WWTR1: variants seen among roughly 807,000 people sequenced by gnomAD.
The protein encoded by WWTR1 is WW domain containing transcription regulator 1.
In WWTR1, 13 loss-of-function variants were observed where a neutral mutation model predicts 40.1. That is an observed-to-expected ratio of 0.32 (90% CI 0.21 to 0.52). WWTR1 has a LOEUF of 0.52. Ranked by LOEUF, WWTR1 falls within the 20% of genes least tolerant of loss-of-function variation. WWTR1 has a pLI of 0.97. For missense variants in WWTR1, 436 were observed against 523.1 expected (o/e 0.83, Z 1.63); for synonymous variants, 230 against 210.1 (o/e 1.09, Z -0.82).
Position 149,604,299 on chromosome 3 carries a change from C to G in WWTR1, c.432-31299G>C, listed in dbSNP as rs1739389595. On this transcript the variant is annotated intron_variant, in intron 2 of 6. Transcript: ENST00000360632. ...GTGACAGGGCCACCCCCTCACAGCT[C>G]ACTGCATGCACACCCCACCACATCC... 2.6e-5 allele frequency among the ~76,000 whole-genome samples: 4 copies of G among 152,240 alleles called. No homozygotes were observed. In the South Asian group the frequency reaches 8.3e-4, roughly 32 times the overall value.
chr3:149,699,754 T>C (rs1240317503), intron 1 of WWTR1, among the ~76,000 whole-genome samples: 1 of 152,162 alleles, frequency 6.6e-6, no homozygotes, highest in Non-Finnish European at 1.5e-5. Flanking sequence ...ACTGTCAATA[T>C]CTCTATCAGC....
intron 4 of WWTR1, among the ~76,000 whole-genome samples, chr3:149,539,720 C>T (rs552992677): frequency 6.6e-6 from 1 of 152,290 alleles, no homozygotes; most frequent in East Asian, 1.9e-4. Flanking sequence ...CCAAAGATCA[C>T]TTTTAATTCC....
chr3:149,691,679 A>G (rs920749223), intron 1 of WWTR1, among the ~76,000 whole-genome samples: 1 of 152,330 alleles, frequency 6.6e-6, no homozygotes, highest in East Asian at 1.9e-4. Context: ...GCCAGCAAAA[A>G]AAAACCTGGG....
chr3:149,677,052 C>G (rs7613961), intron 1 of WWTR1, among the ~76,000 whole-genome samples: 6,491 of 151,724 alleles, frequency 0.043, 282 homozygotes, highest in East Asian at 0.13. Flanking sequence ...GAGTAGCTGG[C>G]ATTACAGGCA....
chr3:149,660,670 G>A (rs777755292), upstream of WWTR1, among the ~76,000 whole-genome samples: 1 of 152,220 alleles, frequency 6.6e-6, no homozygotes, highest in Non-Finnish European at 1.5e-5. Context: ...AAACAGCTGA[G>A]TCACTTCAGA....
At chr3:149,706,581 G>A (rs1007044353), upstream of WWTR1, among the ~76,000 whole-genome samples, 6 of 152,212 alleles carry the variant, frequency 3.9e-5, no homozygotes, top group Middle Eastern at 3.4e-3. Context: ...GCCTCCCAAA[G>A]TGCTGAGATT....
At chr3:149,625,308 T>C (rs891822170) in intron 2 of WWTR1, among the ~76,000 whole-genome samples, 33 of 151,368 alleles carry the variant, frequency 2.2e-4, no homozygotes, top group East Asian at 7.9e-4. Context: ...TTAGTAGAGC[T>C]TGGGTTTCAT....
intron 2 of WWTR1, among the ~76,000 whole-genome samples, chr3:149,599,700 A>G (rs1310203412): frequency 2.0e-5 from 3 of 152,234 alleles, no homozygotes; most frequent in Non-Finnish European, 2.9e-5. Context: ...CAAGAGTATC[A>G]TTAAATCAAA....
At chr3:149,650,857 C>T (rs2108148832) in intron 2 of WWTR1, among the ~76,000 whole-genome samples, 1 of 152,332 alleles carries the variant, frequency 6.6e-6, no homozygotes, top group Non-Finnish European at 1.5e-5. Context: ...AAACTTAAAA[C>T]TGACTTTCAA....
chr3:149,553,785 C>A (rs1231399268), intron 3 of WWTR1, among the ~76,000 whole-genome samples: 1 of 152,066 alleles, frequency 6.6e-6, no homozygotes, highest in Non-Finnish European at 1.5e-5. Flanking sequence ...GGGTCTTTTC[C>A]TCTGTTTATG....
At chr3:149,632,952 G>A (rs951237958) in intron 2 of WWTR1, among the ~76,000 whole-genome samples, 1 of 152,182 alleles carries the variant, frequency 6.6e-6, no homozygotes, top group Non-Finnish European at 1.5e-5. Context: ...GTTAGTTGGG[G>A]CTTCTCTTTT....
In WWTR1 at chr3:149,690,364, C is replaced by T. The variant is rs372142850; in HGVS notation, c.-108+12760G>A. The stretch of plus-strand genomic sequence containing the variant: ...AAAACAAGACCCAATTATCTGTTAC[C>T]TACACAAAACACACTTTACCTATAA... On this transcript the variant is annotated intron_variant, in intron 1 of 7. Transcript: ENST00000465804. 3.9e-5 allele frequency among the ~76,000 whole-genome samples: 6 copies of T among 151,974 alleles called. No homozygotes were observed. The East Asian group carries it at 9.7e-4, about 24-fold the overall frequency.
intron 4 of WWTR1, among the ~76,000 whole-genome samples, chr3:149,540,527 G>A (rs888201326): frequency 6.6e-6 from 1 of 152,152 alleles, no homozygotes; most frequent in African/African-American, 2.4e-5. Context: ...GTATAAAACT[G>A]AGAATGTATA....
chr3:149,559,909 A>C (rs1227326734), intron 3 of WWTR1, among the ~76,000 whole-genome samples: 1 of 152,226 alleles, frequency 6.6e-6, no homozygotes, highest in Admixed American at 6.5e-5. Flanking sequence ...AAGACAGGAC[A>C]AAGAGCTACC....
chr3:149,597,108 T>C (rs1739032423), intron 2 of WWTR1, among the ~76,000 whole-genome samples: 2 of 152,206 alleles, frequency 1.3e-5, no homozygotes, highest in Non-Finnish European at 2.9e-5. Context: ...AATTGTTTAA[T>C]AAATGTTAGC....
chr3:149,663,190 G>A (rs182938618), intron 2 of WWTR1, among the ~76,000 whole-genome samples: 15 of 151,916 alleles, frequency 9.9e-5, no homozygotes, highest in African/African-American at 3.6e-4. Flanking sequence ...CCGCCATCAC[G>A]CCAGCTAATT....
intron 2 of WWTR1, among the ~76,000 whole-genome samples, chr3:149,614,161 A>G (rs972411407): frequency 1.3e-5 from 2 of 152,170 alleles, no homozygotes; most frequent in Non-Finnish European, 2.9e-5. Flanking sequence ...ACACACAGTC[A>G]TGTGCAGCAT....
chr3:149,548,714 TGAA>T (rs904671163), intron 3 of WWTR1, among the ~76,000 whole-genome samples: 6 of 152,212 alleles, frequency 3.9e-5, no homozygotes, highest in African/African-American at 1.4e-4. Context: ...TCTTGGAAGG[TGAA>T]GAAGAATATC....
intron 3 of WWTR1, among the ~76,000 whole-genome samples, chr3:149,549,412 A>G (rs896306645): frequency 6.6e-6 from 1 of 152,262 alleles, no homozygotes; most frequent in Non-Finnish European, 1.5e-5. Context: ...GAAAAATATC[A>G]GACAAATTTC....
Sources: allele counts gnomAD v4.1 joint callset (sites outside exome capture counted in the v4.1 genomes callset), GRCh38; gene constraint gnomAD v4.1.1; transcripts MANE v1.5; gene names NCBI Gene and HGNC (gene_info 2026-07-23, HGNC 2026-07-21).